CNP: variants seen among roughly 807,000 people sequenced by gnomAD.
CNP encodes 2',3'-cyclic-nucleotide 3'-phosphodiesterase.
A neutral mutation model predicts 37.9 loss-of-function variants in CNP; 8 were observed. The observed-to-expected ratio is 0.21, with a 90% CI of 0.12 to 0.38. CNP has a LOEUF of 0.38. Ranked by LOEUF, CNP falls within the 10% of genes least tolerant of loss-of-function variation. The pLI, the probability that CNP is intolerant of heterozygous loss-of-function variation, is 1.00. For missense variants in CNP, 457 were observed against 551.0 expected (o/e 0.83, Z 1.71); for synonymous variants, 237 against 238.3 (o/e 0.99, Z 0.05).
chr17:41,973,631 C>T lies in CNP; in HGVS notation c.973C>T (p.Arg325Trp), dbSNP rs199970993. 302 of 1,614,112 alleles carry T rather than the reference C, an allele frequency of 1.9e-4. 1 individual carries two copies. The highest frequency in any genetic ancestry group is 1.8e-3 in the Middle Eastern group (11 of 6,062). Reference protein sequence around the residue: ...DKLSPTDNLPRGSRAHITLGC... With the variant: ...DKLSPTDNLPWGSRAHITLGC... ...GCTGTCACCCACTGACAACCTGCCG[C>T]GGGGGAGCCGCGCCCACATCACCCT... The change falls in exon 4 of 4, where the codon CGG (arginine) becomes TGG (tryptophan). Residue 325 changes from arginine (R) to tryptophan (W), a missense_variant. Transcript: ENST00000393892.
Position 41,976,616 on chromosome 17 carries a change from A to G in CNP, c.*2692A>G. On this transcript the variant is annotated 3_prime_UTR_variant, in exon 4 of 4. Transcript: ENST00000393892. ...AGAGACACAGGGCATCCAACTGAGA[A>G]AACGAAACTGCTCTAAGCACACGGA... 1 of 1,382,848 alleles carries G rather than the reference A, an allele frequency of 7.2e-7. No homozygotes were observed. Among genetic ancestry groups the G allele is most frequent in the Non-Finnish European group, 9.8e-7 (1 of 1,020,152 alleles). 85.7% of individuals were successfully genotyped at this position (1,382,848 alleles called of 1,614,324 possible). A position where few individuals can be genotyped will look rare whatever the true frequency, so the allele number is the denominator to read the frequency against.
chr17:41,971,982 T>G lies in CNP; in HGVS notation c.767T>G (p.Phe256Cys). The G allele has an allele frequency of 6.2e-7, 1 of 1,613,558 alleles. No homozygotes were observed. The highest frequency in any genetic ancestry group is 8.5e-7 in the Non-Finnish European group (1 of 1,179,870). The change falls in exon 3 of 4, where the codon TTT becomes TGT. Residue 256 changes from phenylalanine to cysteine, a missense_variant. Physicochemically the swap from Phe to Cys is radical, Grantham distance 205. Transcript: ENST00000393892. ...PPGVLHCTTK[F>C]CDYGKAPGAE... ...GGCGTGCTGCATTGCACAACCAAGT[T>G]TTGTGACTACGGGAAGGCTCCCGGG... is the stretch of plus-strand genomic sequence containing the variant.
rs1422894866 is a variant in CNP, at chr17:41,974,348, GGT to G, written c.*425_*426del. ...GGAGGCAAAAGGCAGTGGGGCTGGGGGTAGTTTTCCATGGTCACAGAGAACTA... is the reference window on the plus strand; with the variant it reads ...GGAGGCAAAAGGCAGTGGGGCTGGGGAGTTTTCCATGGTCACAGAGAACTA... On this transcript the variant is annotated 3_prime_UTR_variant, in exon 4 of 4. Coordinates refer to ENST00000393892, the MANE Select transcript of CNP (RefSeq NM_033133.5). The G allele has an allele frequency of 6.4e-6, 1 of 156,384 alleles. No homozygotes were observed. The highest frequency in any genetic ancestry group is 1.4e-5 in the Non-Finnish European group (1 of 71,056). 9.7% of individuals were successfully genotyped at this position (156,384 alleles called of 1,614,324 possible).
chr17:41,977,276 C>A lies in CNP; in HGVS notation c.*3352C>A. 1 of 1,582,390 alleles carries A rather than the reference C, an allele frequency of 6.3e-7. No homozygotes were observed. Among genetic ancestry groups the A allele is most frequent in the Non-Finnish European group, 8.6e-7 (1 of 1,164,394 alleles). On this transcript the variant is annotated 3_prime_UTR_variant, in exon 4 of 4. Coordinates refer to ENST00000393892, the MANE Select transcript of CNP (RefSeq NM_033133.5). Reference sequence around the variant, plus strand: ...GCCCACCTACCTTCAAAGCTGAAGCCGCCAGGACCGCCAAAGAATGCCTTG... The same window carrying A: ...GCCCACCTACCTTCAAAGCTGAAGCAGCCAGGACCGCCAAAGAATGCCTTG...
chr17:41,972,069 G>T, intron 3 of CNP, 38 bp downstream of exon 3: 1 of 1,607,482 alleles, frequency 6.2e-7, no homozygotes, highest in Non-Finnish European at 8.5e-7. Flanking sequence ...GAGGTGGGAG[G>T]TTGGGGGAGA....
Position 41,977,260 on chromosome 17 carries a change from C to T in CNP, c.*3336C>T. 1 of 1,579,198 alleles carries T rather than the reference C, an allele frequency of 6.3e-7. No individual in the cohort carries two copies. On this transcript the variant is annotated 3_prime_UTR_variant, in exon 4 of 4. Transcript: ENST00000393892. The stretch of plus-strand genomic sequence containing the variant: ...CTCCCAAGAACAGCAGGCCCACCTA[C>T]CTTCAAAGCTGAAGCCGCCAGGACC...
Position 41,975,898 on chromosome 17 carries a change from TC to T in CNP, c.*1976del, listed in dbSNP as rs2051068376. ...CCGCTGCATCCGTGAGCAGTGTGTC[TC>T]CTGCATGCAGAAAGGGAGCAGAGAA... On this transcript the variant is annotated 3_prime_UTR_variant, in exon 4 of 4. Coordinates refer to ENST00000393892, the MANE Select transcript of CNP (RefSeq NM_033133.5). 6.6e-6 allele frequency: 1 copy of T among 152,250 alleles called. No homozygotes were observed. 9.4% of individuals were successfully genotyped at this position (152,250 alleles called of 1,614,324 possible).
chr17:41,970,950 C>G (rs1272748971), intron 2 of CNP: 1 of 152,186 alleles, frequency 6.6e-6, no homozygotes, highest in Non-Finnish European at 1.5e-5. Flanking sequence ...AGTCCAAGAC[C>G]CTTCCTGTAC....
intron 2 of CNP, among the ~76,000 whole-genome samples, chr17:41,969,016 G>A (rs1398909343): frequency 6.6e-6 from 1 of 152,156 alleles, no homozygotes; most frequent in Non-Finnish European, 1.5e-5. Context: ...CAGCCTGAAT[G>A]TAGACCACTG....
rs1269980280 is a variant in CNP at position 41,968,805 on chromosome 17, C to A, written c.676+65C>A. 3 of 1,489,602 alleles carry A rather than the reference C, an allele frequency of 2.0e-6. No homozygotes were observed. Among genetic ancestry groups the A allele is most frequent in the Non-Finnish European group, 2.7e-6 (3 of 1,112,664 alleles). The allele number at this position is 1,489,602 out of a possible 1,614,324, so 92.3% of individuals were successfully genotyped here. A position where few individuals can be genotyped will look rare whatever the true frequency, so the allele number is the denominator to read the frequency against. On this transcript the variant is annotated intron_variant, in intron 2 of 3. Coordinates refer to ENST00000393892, the MANE Select transcript of CNP (RefSeq NM_033133.5). This position sits in a 1 kb window ranked among gnomAD's most constrained non-coding sequence, Gnocchi z 4.8. ...GGCACAGGGTGCTGCGGGCAAAGGA[C>A]CATCATTGTACTCAAAGGATGGAGC...
intron 1 of CNP, 160 bp downstream of exon 1, chr17:41,967,047 G>A: frequency 1.2e-6 from 1 of 836,282 alleles, no homozygotes. Context: ...TGGGAGAAGC[G>A]GAGGGGTTTT....
chr17:41,967,942 A>G, intron 1 of CNP, 126 bp from the exon 2 acceptor site: 1 of 1,492,774 alleles, frequency 6.7e-7, no homozygotes. Context: ...CCCGGACCGA[A>G]AGGGAAAGAA....
intron 3 of CNP, among the ~76,000 whole-genome samples, chr17:41,973,192 G>A (rs1196521516): frequency 6.6e-6 from 1 of 152,218 alleles, no homozygotes; most frequent in East Asian, 1.9e-4. Context: ...GCCCGCTGAG[G>A]CCGGAAGCCA....
At position 41,976,736 on chromosome 17, in the gene CNP, G is replaced by A; in HGVS notation, c.*2812G>A. The A allele has an allele frequency of 6.2e-7, 1 of 1,609,442 alleles. No homozygotes were observed. Among genetic ancestry groups the A allele is most frequent in the Non-Finnish European group, 8.5e-7 (1 of 1,178,912 alleles). ...GGTTCTGGGTGGTTGCCCTTCATTAGCCAAATTGAAAAAAGAAATTCCCTG... is the reference window on the plus strand; with the variant it reads ...GGTTCTGGGTGGTTGCCCTTCATTAACCAAATTGAAAAAAGAAATTCCCTG... On this transcript the variant is annotated 3_prime_UTR_variant, in exon 4 of 4. Coordinates refer to ENST00000393892, the MANE Select transcript of CNP (RefSeq NM_033133.5).
rs112557067 is a variant in CNP, at chr17:41,969,941, A to T, written c.676+1201A>T. Among the ~76,000 whole-genome samples the T allele has an allele frequency of 1.8e-4, 27 of 152,238 alleles. 1 individual carries two copies. Among genetic ancestry groups the T allele is most frequent in the African/African-American group, 6.0e-4 (25 of 41,540 alleles). On this transcript the variant is annotated intron_variant, in intron 2 of 3. Coordinates refer to ENST00000393892, the MANE Select transcript of CNP (RefSeq NM_033133.5). Reference sequence around the variant, plus strand: ...TTGTGTATATTGCACAGAAGCAGGGAATTTGTGCCTGTATGGGTTCTCAGA... The same window carrying T: ...TTGTGTATATTGCACAGAAGCAGGGTATTTGTGCCTGTATGGGTTCTCAGA...
rs564222534 is a variant in CNP, at chr17:41,975,595, T to G, written c.*1671T>G. On this transcript the variant is annotated 3_prime_UTR_variant, in exon 4 of 4. Transcript: ENST00000393892. Reference sequence around the variant, plus strand: ...CAAGCACCAGGGAAGATCTAACATTTGAGTCCCTTCCAGGCCATCAGAGGC... The same window carrying G: ...CAAGCACCAGGGAAGATCTAACATTGGAGTCCCTTCCAGGCCATCAGAGGC... 6.6e-6 allele frequency: 1 copy of G among 152,342 alleles called. No homozygotes were observed. The highest frequency in any genetic ancestry group is 1.5e-5 in the Non-Finnish European group (1 of 68,052). 9.4% of individuals were successfully genotyped at this position (152,342 alleles called of 1,614,324 possible). A position where few individuals can be genotyped will look rare whatever the true frequency, so the allele number is the denominator to read the frequency against.
chr17:41,977,395 G>A lies in CNP; in HGVS notation c.*3471G>A. On this transcript the variant is annotated 3_prime_UTR_variant, in exon 4 of 4. Transcript: ENST00000393892. ...TTAGAAATGTTCGAAGAGAACTGAT[G>A]ACACTGAGAACAGATCTCCAAAGCT... 1 of 1,350,696 alleles carries A rather than the reference G, an allele frequency of 7.4e-7. No individual in the cohort carries two copies. Among genetic ancestry groups the A allele is most frequent in the Non-Finnish European group, 1.0e-6 (1 of 965,804 alleles). 83.7% of individuals were successfully genotyped at this position (1,350,696 alleles called of 1,614,324 possible). A position where few individuals can be genotyped will look rare whatever the true frequency, so the allele number is the denominator to read the frequency against.
At chr17:41,969,261 A>G (rs1385033799) in intron 2 of CNP, among the ~76,000 whole-genome samples, 3 of 152,114 alleles carry the variant, frequency 2.0e-5, no homozygotes, top group African/African-American at 7.2e-5. Flanking sequence ...GGACTGCTCA[A>G]TTTACTCATG....
Position 41,976,663 on chromosome 17 carries a change from G to A in CNP, c.*2739G>A, listed in dbSNP as rs2051089158. The A allele has an allele frequency of 5.1e-6, 8 of 1,580,090 alleles. No individual in the cohort carries two copies. Among genetic ancestry groups the A allele is most frequent in the Non-Finnish European group, 6.0e-6 (7 of 1,161,090 alleles). ...CGGAGACGTGATGAAGGGAGGAGGT[G>A]AACTGTTTCCACATTCAAGATTAAA... On this transcript the variant is annotated 3_prime_UTR_variant, in exon 4 of 4. Transcript: ENST00000393892.
Sources: gnomAD v4.1 joint callset for allele counts (sites outside exome capture counted in the v4.1 genomes callset) on GRCh38, gnomAD v4.1.1 for gene constraint, Gnocchi (gnomAD v3.1) non-coding constraint, MANE v1.5 for transcripts, NCBI Gene and HGNC (gene_info 2026-07-23, HGNC 2026-07-21) for gene names.